Variants in NCKAP5 observed in about 807,000 individuals in gnomAD.
NCKAP5 encodes NCK associated protein 5.
In NCKAP5, 92 loss-of-function variants were observed where a neutral mutation model predicts 167.0. That is an observed-to-expected ratio of 0.55 (90% CI 0.47 to 0.66). The LOEUF (loss-of-function observed/expected upper bound fraction) is 0.66, where lower values mean the gene tolerates loss of function less well. Ranked by LOEUF, NCKAP5 falls within the 30% of genes least tolerant of loss-of-function variation. The pLI, the probability that NCKAP5 is intolerant of heterozygous loss-of-function variation, is 0.00. For synonymous variants in NCKAP5, 891 were observed against 877.4 expected (o/e 1.02, Z -0.27); for missense variants, 2,378 against 2,315.0 (o/e 1.03, Z -0.56).
intron 3 of NCKAP5, among the ~76,000 whole-genome samples, chr2:133,462,050 G>T (rs77604527): frequency 6.6e-6 from 1 of 152,318 alleles, no homozygotes; most frequent in South Asian, 2.1e-4. Flanking sequence ...ATGTTTTGAA[G>T]TCTGGGTTAA....
intron 14 of NCKAP5, 139 bp from the exon 15 acceptor site, chr2:132,781,368 A>C: frequency 1.5e-6 from 1 of 689,106 alleles, no homozygotes; most frequent in South Asian, 2.5e-5. Flanking sequence ...AGGGTTTCTC[A>C]TGGGCCTTGA....
chr2:133,538,311 G>T (rs1031495130), intron 2 of NCKAP5, among the ~76,000 whole-genome samples: 2 of 152,096 alleles, frequency 1.3e-5, no homozygotes, highest in African/African-American at 4.8e-5. Flanking sequence ...TCAAACTAAA[G>T]AAGTCAAATT....
chr2:133,177,543 T>C (rs1574281150), intron 5 of NCKAP5, among the ~76,000 whole-genome samples: 1 of 152,066 alleles, frequency 6.6e-6, no homozygotes, highest in South Asian at 2.1e-4. Context: ...ATAACCCTTA[T>C]CCCATATCCT....
chr2:133,159,853 C>T (rs909683035), intron 5 of NCKAP5, among the ~76,000 whole-genome samples: 3 of 152,038 alleles, frequency 2.0e-5, no homozygotes, highest in African/African-American at 7.2e-5. Context: ...TCCAATAGTA[C>T]ACATAATGAG....
In NCKAP5 at chr2:133,517,491, A is replaced by T; in HGVS notation, c.36T>A (p.Phe12Leu). The T allele has an allele frequency of 6.5e-7, 1 of 1,538,834 alleles. No homozygotes were observed. Among genetic ancestry groups the T allele is most frequent in the Non-Finnish European group, 8.8e-7 (1 of 1,139,280 alleles). ...EGKRQLEKRDFGKRLSLDSSL... is the reference protein window; with the variant it reads ...EGKRQLEKRDLGKRLSLDSSL... Reference sequence around the variant, plus strand: ...TGCTGTCTAGAGACAGCCTTTTTCCAAAGTCCCTTTTCTCAAGCTGTCTCT... The same window carrying T: ...TGCTGTCTAGAGACAGCCTTTTTCCTAAGTCCCTTTTCTCAAGCTGTCTCT... The change falls in exon 3 of 20, where the codon TTT becomes TTA. Residue 12 changes from phenylalanine (F) to leucine (L), a missense_variant. By Grantham distance (22) the Phe-to-Leu change is conservative. Around this residue, in one of 3 missense-constraint regions of NCKAP5, gnomAD observed 1,049 missense variants for 1,023.4 expected, o/e 1.02. Transcript: ENST00000409261.
chr2:133,293,699 A>C (rs1679756346), intron 4 of NCKAP5, among the ~76,000 whole-genome samples: 1 of 152,174 alleles, frequency 6.6e-6, no homozygotes, highest in Non-Finnish European at 1.5e-5. Flanking sequence ...TAACCATTGA[A>C]GCATGTGGCA....
intron 4 of NCKAP5, among the ~76,000 whole-genome samples, chr2:133,247,554 TATTAAAAGCA>T: frequency 6.6e-6 from 1 of 152,320 alleles, no homozygotes; most frequent in Admixed American, 6.5e-5. Context: ...GGTCTTACGC[TATTAAAAGCA>T]TTCCAATCAG....
the NCKAP5 span, among the ~76,000 whole-genome samples, chr2:133,635,950 A>C: frequency 6.6e-6 from 1 of 152,214 alleles, no homozygotes; most frequent in Non-Finnish European, 1.5e-5. Context: ...CAGCAAGCAG[A>C]GTTATGGACA....
intron 3 of NCKAP5, among the ~76,000 whole-genome samples, chr2:133,447,071 G>A (rs1382042182): frequency 2.0e-5 from 3 of 152,152 alleles, no homozygotes; most frequent in African/African-American, 7.2e-5. Context: ...CTCTATGCGT[G>A]GTGGAAAACA....
Position 132,994,228 on chromosome 2 carries a change from G to A in NCKAP5, c.353C>T (p.Thr118Ile). The A allele has an allele frequency of 6.3e-7, 1 of 1,582,340 alleles. No homozygotes were observed. The highest frequency in any genetic ancestry group is 1.8e-5 in the Admixed American group (1 of 55,272). Reference sequence around the variant, plus strand: ...TTGACTCTGCAATAGATTTCGTACTGTTTCTTCCATCCTGAGAAACAAAAA... The same window carrying A: ...TTGACTCTGCAATAGATTTCGTACTATTTCTTCCATCCTGAGAAACAAAAA... ...LQQQFSRMEE[T>I]VRNLLQSQGS... The change falls in exon 7 of 20, where the codon ACA (threonine) becomes ATA (isoleucine). Residue 118 changes from threonine to isoleucine, a missense_variant. Around this residue, in one of 3 missense-constraint regions of NCKAP5, gnomAD observed 1,049 missense variants for 1,023.4 expected, o/e 1.02. Transcript: ENST00000409261.
intron 4 of NCKAP5, among the ~76,000 whole-genome samples, chr2:133,263,007 C>T (rs2088995088): frequency 6.6e-6 from 1 of 152,128 alleles, no homozygotes; most frequent in African/African-American, 2.4e-5. Flanking sequence ...AGGAGTATGC[C>T]TAAGGTTGGA....
intron 2 of NCKAP5, among the ~76,000 whole-genome samples, chr2:133,546,252 C>A (rs926926404): frequency 6.6e-6 from 1 of 152,068 alleles, no homozygotes; most frequent in Non-Finnish European, 1.5e-5. Flanking sequence ...TCTGAGTGAA[C>A]AGATTTGCAG....
intron 3 of NCKAP5, among the ~76,000 whole-genome samples, chr2:133,440,269 G>A (rs1261511856): frequency 6.6e-6 from 1 of 152,170 alleles, no homozygotes; most frequent in Non-Finnish European, 1.5e-5. Context: ...GGGAGCCTGA[G>A]TACGTTTCCA....
At chr2:132,705,345 A>G (rs1688261944) in intron 19 of NCKAP5, among the ~76,000 whole-genome samples, 1 of 152,080 alleles carries the variant, frequency 6.6e-6, no homozygotes. Flanking sequence ...ATATATACTT[A>G]CCATCTCCAA....
At position 133,442,033 on chromosome 2, in the gene NCKAP5, C is replaced by T. The variant is rs1023213298; in HGVS notation, c.69+75425G>A. Among the ~76,000 whole-genome samples, 7 of 152,116 alleles carry T rather than the reference C, an allele frequency of 4.6e-5. No individual in the cohort carries two copies. The East Asian group carries it at 1.4e-3, about 29-fold the overall frequency. ...GAACAAAATGTCACAACAAAAAAGA[C>T]CCACTGGAGAAACACGGACAGAGTG... On this transcript the variant is annotated intron_variant, in intron 3 of 19. Transcript: ENST00000409261.
chr2:133,655,482 C>T, the NCKAP5 span, among the ~76,000 whole-genome samples: 2 of 152,178 alleles, frequency 1.3e-5, no homozygotes, highest in Non-Finnish European at 2.9e-5. Flanking sequence ...TGACTGAACA[C>T]TCTCCATCAG....
chr2:133,228,744 A>G (rs1179761121), intron 4 of NCKAP5, among the ~76,000 whole-genome samples: 1 of 152,196 alleles, frequency 6.6e-6, no homozygotes, highest in Non-Finnish European at 1.5e-5. Context: ...CACCATTACC[A>G]GGAAGACTGT....
chr2:133,195,014 T>A (rs1343646584), intron 5 of NCKAP5, among the ~76,000 whole-genome samples: 1 of 152,048 alleles, frequency 6.6e-6, no homozygotes, highest in East Asian at 1.9e-4. Flanking sequence ...TACAGGCATA[T>A]AAGATGCTGA....
At chr2:133,196,878 G>T (rs1324101372) in intron 5 of NCKAP5, among the ~76,000 whole-genome samples, 1 of 152,096 alleles carries the variant, frequency 6.6e-6, no homozygotes, top group Non-Finnish European at 1.5e-5. Context: ...TGCACTGATG[G>T]TGGCAGCAGA....
Sources: allele counts gnomAD v4.1 joint callset (sites outside exome capture counted in the v4.1 genomes callset), GRCh38; gene constraint gnomAD v4.1.1; regional missense constraint gnomAD v4.1.1; transcripts MANE v1.5; gene names NCBI Gene and HGNC (gene_info 2026-07-23, HGNC 2026-07-21).